The following DICER1 variants were observed in gnomAD, a reference collection of about 807,000 sequenced individuals.
The protein encoded by DICER1 is endoribonuclease Dicer.
In DICER1, 43 loss-of-function variants were observed where a neutral mutation model predicts 194.1. That is an observed-to-expected ratio of 0.22 (90% CI 0.17 to 0.29). The LOEUF (loss-of-function observed/expected upper bound fraction) is 0.29. Among genes scored for constraint, DICER1 ranks in the 10% least tolerant of loss-of-function variants. The pLI is 1.00. For missense variants in DICER1, 1,608 were observed against 2,317.0 expected, an observed-to-expected ratio of 0.69 and a Z score of 6.28; for synonymous variants, 832 against 820.5, an observed-to-expected ratio of 1.01 and a Z score of -0.24.
Position 95,103,644 on chromosome 14 carries a change from G to A in DICER1, c.3752C>T (p.Thr1251Ile), listed in dbSNP as rs2139960558. ...KYLDGNANKS[T>I]SDGSPVMAVM... ...GGCCATCACAGGACTTCCATCTGAGGTAGATTTGTTAGCATTTCCATCAAG... is the reference window on the plus strand; with the variant it reads ...GGCCATCACAGGACTTCCATCTGAGATAGATTTGTTAGCATTTCCATCAAG... Residue 1251 changes from threonine (T) to isoleucine (I), a missense_variant, in exon 21 of 27, where the codon ACC (threonine) becomes ATC (isoleucine). This residue lies in a region of DICER1 where 222 missense variants were observed against 215.5 expected (regional missense o/e 1.03). Coordinates refer to ENST00000343455, the MANE Select transcript of DICER1 (RefSeq NM_177438.3). 4 of 1,614,202 alleles carry A rather than the reference G, an allele frequency of 2.5e-6. No homozygotes were observed. Among genetic ancestry groups the A allele is most frequent in the Non-Finnish European group, 3.4e-6 (4 of 1,180,038 alleles).
chr14:95,125,505 GGA>G (rs368421768), intron 7 of DICER1, among the ~76,000 whole-genome samples: 244 of 136,664 alleles, frequency 1.8e-3, no homozygotes, highest in Middle Eastern at 0.018. Flanking sequence ...TGAGGGAGAG[GGA>G]GAGAGGCAGA....
At chr14:95,092,445 T>C (rs1280129182) in intron 24 of DICER1, among the ~76,000 whole-genome samples, 1 of 152,208 alleles carries the variant, frequency 6.6e-6, no homozygotes, top group Admixed American at 6.5e-5. Flanking sequence ...AAAATACTAA[T>C]TTCTAATAGG....
chr14:95,138,337 A>C (rs1037721062), intron 1 of DICER1, among the ~76,000 whole-genome samples: 38 of 147,848 alleles, frequency 2.6e-4, no homozygotes, highest in Middle Eastern at 3.3e-3. Flanking sequence ...GAAAAAAAAA[A>C]CAGAGAAATG....
In DICER1 at chr14:95,133,405, G is replaced by T; in HGVS notation, c.54C>A (p.Thr18=). 6.2e-7 allele frequency: 1 copy of T among 1,614,014 alleles called. No homozygotes were observed. The highest frequency in any genetic ancestry group is 8.5e-7 in the Non-Finnish European group (1 of 1,179,980). ...AAGGACCCATTGGTGAGGAAGCAGG[G>T]GTCATGAGCTGCAGGCCTGCCATGC... ...PLSMAGLQLM[T]PASSPMGPFF... The change falls in exon 2 of 27, where the codon ACC becomes ACA. Residue 18 remains threonine, a synonymous_variant. Transcript: ENST00000343455.
chr14:95,127,002 G>A (rs1230127499), intron 6 of DICER1, among the ~76,000 whole-genome samples: 1 of 152,102 alleles, frequency 6.6e-6, no homozygotes, highest in Non-Finnish European at 1.5e-5. Context: ...AAAGGCAAGG[G>A]GAGAAGAGGG....
rs1284040671 is a variant in DICER1 at position 95,155,628 on chromosome 14, G to A, written c.-46+1602C>T. 3.9e-5 allele frequency among the ~76,000 whole-genome samples: 6 copies of A among 152,270 alleles called. No individual in the cohort carries two copies. In the East Asian group the frequency reaches 1.2e-3, roughly 29 times the overall value. ...GGGCTTACCCTTCAAACATGAGATG[G>A]AAGCATAAAAAGTAAAGCAGGCCCT... On this transcript the variant is annotated intron_variant, in intron 1 of 26. Coordinates refer to ENST00000343455, the MANE Select transcript of DICER1 (RefSeq NM_177438.3).
Position 95,117,039 on chromosome 14 carries a change from T to C in DICER1, c.1510-344A>G, listed in dbSNP as rs151031984. 1.4e-4 allele frequency among the ~76,000 whole-genome samples: 22 copies of C among 152,322 alleles called. No homozygotes were observed. The East Asian group carries it at 4.2e-3, about 29-fold the overall frequency. On this transcript the variant is annotated intron_variant, in intron 9 of 26. Transcript: ENST00000343455. ...ATGTAGAAAAGGCCTTCAACAGGAA[T>C]TATTCTGCTAATTTTAAGTTAAATA... is the stretch of plus-strand genomic sequence containing the variant.
At chr14:95,146,394 A>G (rs1204124684) in intron 1 of DICER1, among the ~76,000 whole-genome samples, 2 of 151,886 alleles carry the variant, frequency 1.3e-5, no homozygotes, top group Non-Finnish European at 2.9e-5. Context: ...TTTTTTTTGC[A>G]TACTCACAAA....
Position 95,096,274 on chromosome 14 carries a change from T to G in DICER1, c.4646A>C (p.His1549Pro). 1 of 1,614,238 alleles carries G rather than the reference T, an allele frequency of 6.2e-7. No homozygotes were observed. The highest frequency in any genetic ancestry group is 1.3e-5 in the African/African-American group (1 of 75,070). The change falls in exon 23 of 27, where the codon CAC (histidine) becomes CCC (proline). Residue 1549 changes from histidine (H) to proline (P), a missense_variant. Transcript: ENST00000343455. ...TTTGTCAGCAATACACTGCTCAGTG[T>G]GCAAGTCGTAAGAAATGGACTGCTT... ...TGKQSISYDL[H>P]TEQCIADKSI...
In DICER1 at chr14:95,116,713, C is replaced by T. The variant is rs1892508168; in HGVS notation, c.1510-18G>A. 6.2e-7 allele frequency: 1 copy of T among 1,611,298 alleles called. No homozygotes were observed. The highest frequency in any genetic ancestry group is 8.5e-7 in the Non-Finnish European group (1 of 1,178,886). ...CTAAGTACCTGAAAAAAAAAATCCA[C>T]CAAGAAAAGCACTTCTAAGAAAATT... On this transcript the variant is annotated intron_variant, in intron 9 of 26. Coordinates refer to ENST00000343455, the MANE Select transcript of DICER1 (RefSeq NM_177438.3).
chr14:95,141,179 G>A (rs540141939), intron 1 of DICER1: 1 of 152,234 alleles, frequency 6.6e-6, no homozygotes, highest in South Asian at 2.1e-4. Flanking sequence ...AAATAACCCA[G>A]TAGTAACTCT....
intron 2 of DICER1, 107 bp downstream of exon 2, chr14:95,133,208 T>C (rs1894102267): frequency 9.1e-7 from 1 of 1,102,914 alleles, no homozygotes; most frequent in Non-Finnish European, 1.4e-6. Flanking sequence ...TAATCAGAAG[T>C]GGGAGGCCTG....
In DICER1 at chr14:95,108,477, A is replaced by G. The variant is rs1437347560; in HGVS notation, c.2283T>C (p.Tyr761=). 6.2e-7 allele frequency: 1 copy of G among 1,614,164 alleles called. No individual in the cohort carries two copies. Among genetic ancestry groups the G allele is most frequent in the South Asian group, 1.1e-5 (1 of 91,080 alleles). ...GGTAACAGGGCTGATCAGGTCTGGGATAACTATCCCTCAAACACTCTGGAA... is the reference window on the plus strand; with the variant it reads ...GGTAACAGGGCTGATCAGGTCTGGGGTAACTATCCCTCAAACACTCTGGAA... ...KAIPECLRDS[Y]PRPDQPCYLY... The change falls in exon 15 of 27, where the codon TAT becomes TAC. Residue 761 remains tyrosine, a synonymous_variant. Transcript: ENST00000343455.
rs1378571193 is a variant in DICER1, at chr14:95,087,062, C to T, written c.*3436G>A. The T allele has an allele frequency of 1.3e-5, 3 of 232,866 alleles. No individual in the cohort carries two copies. The highest frequency in any genetic ancestry group is 2.5e-5 in the Non-Finnish European group (3 of 117,704). 14.4% of individuals were successfully genotyped at this position (232,866 alleles called of 1,614,324 possible). ...AGCAAGATCCAATATTTTAAATCAACGGGGCCTTGTGCATGAACTGCGCTC... is the reference window on the plus strand; with the variant it reads ...AGCAAGATCCAATATTTTAAATCAATGGGGCCTTGTGCATGAACTGCGCTC... On this transcript the variant is annotated 3_prime_UTR_variant, in exon 27 of 27. Transcript: ENST00000343455.
In DICER1 at chr14:95,115,831, T is replaced by C. The variant is rs756752432; in HGVS notation, c.1753-10A>G. ...ACTTGTTTCTCAAGATCTGAACATT[T>C]AAAAAACAGAACTTATGATGAAAAC... On this transcript the variant is annotated splice_polypyrimidine_tract_variant and intron_variant, in intron 10 of 26. Coordinates refer to ENST00000343455, the MANE Select transcript of DICER1 (RefSeq NM_177438.3). 6.2e-7 allele frequency: 1 copy of C among 1,613,890 alleles called. No homozygotes were observed. Among genetic ancestry groups the C allele is most frequent in the Non-Finnish European group, 8.5e-7 (1 of 1,179,816 alleles).
chr14:95,105,569 A>C lies in DICER1; in HGVS notation c.3093+109T>G. The C allele has an allele frequency of 1.1e-6, 1 of 914,218 alleles. No individual in the cohort carries two copies. The highest frequency in any genetic ancestry group is 1.5e-5 in the South Asian group (1 of 68,804). 56.6% of individuals were successfully genotyped at this position (914,218 alleles called of 1,614,324 possible). On this transcript the variant is annotated intron_variant, in intron 19 of 26. Transcript: ENST00000343455. The surrounding 1 kb of genome is among the most constrained non-coding windows in gnomAD (Gnocchi z 4.9). Reference sequence around the variant, plus strand: ...TTTGAGGATTAGGTAACTTCTAAAAAATTAACGAATCATGCATTTAACTTG... The same window carrying C: ...TTTGAGGATTAGGTAACTTCTAAAACATTAACGAATCATGCATTTAACTTG...
intron 3 of DICER1, 63 bp downstream of exon 3, chr14:95,132,452 T>C: frequency 6.5e-7 from 1 of 1,530,394 alleles, no homozygotes; most frequent in Non-Finnish European, 9.0e-7. Flanking sequence ...ACAGAAAATC[T>C]GTTTAAACAT....
intron 1 of DICER1, among the ~76,000 whole-genome samples, chr14:95,154,511 A>G (rs1369174641): frequency 2.0e-5 from 3 of 152,258 alleles, no homozygotes; most frequent in Non-Finnish European, 4.4e-5. Flanking sequence ...ATACAATGAA[A>G]TACCATTCAG....
chr14:95,130,264 A>AT, intron 4 of DICER1, 72 bp from the exon 5 acceptor site: 1 of 1,446,588 alleles, frequency 6.9e-7, no homozygotes, highest in African/African-American at 1.4e-5. Context: ...AAATCAGATC[A>AT]TAGAGCCATT....
Sources: allele counts gnomAD v4.1 joint callset (sites outside exome capture counted in the v4.1 genomes callset), GRCh38; gene constraint gnomAD v4.1.1; regional missense constraint gnomAD v4.1.1; non-coding constraint Gnocchi (gnomAD v3.1); transcripts MANE v1.5; gene names NCBI Gene and HGNC (gene_info 2026-07-23, HGNC 2026-07-21).